The following TRHDE variants were observed in gnomAD, a reference collection of about 807,000 sequenced individuals.
TRHDE encodes thyrotropin-releasing hormone-degrading ectoenzyme.
A neutral mutation model predicts 125.7 loss-of-function variants in TRHDE; 72 were observed. The ratio of observed to expected loss-of-function variants is 0.57; its 90% CI spans 0.47 to 0.70. TRHDE has a LOEUF of 0.70. Among genes scored for constraint, TRHDE ranks in the 30% least tolerant of loss-of-function variants. The pLI, the probability that TRHDE is intolerant of heterozygous loss-of-function variation, is 0.00. For missense variants in TRHDE, 1,110 were observed against 1,327.1 expected (o/e 0.84, Z 2.54); for synonymous variants, 509 against 509.1 (o/e 1.00, Z 0.00).
chr12:72,548,353 C>A (rs189397258), intron 7 of TRHDE, among the ~76,000 whole-genome samples: 168 of 151,846 alleles, frequency 1.1e-3, no homozygotes, highest in African/African-American at 3.9e-3. Context: ...CTTACAGCAT[C>A]TTTTGGTAAT....
chr12:72,657,757 G>T (rs1357968066), intron 18 of TRHDE, among the ~76,000 whole-genome samples: 1 of 152,132 alleles, frequency 6.6e-6, no homozygotes, highest in Non-Finnish European at 1.5e-5. Context: ...ATGAGAAATG[G>T]GGAGAGGGTT....
intron 12 of TRHDE, among the ~76,000 whole-genome samples, chr12:72,597,713 G>GTATATATATA (rs762515309): frequency 2.4e-3 from 44 of 18,434 alleles, no homozygotes; most frequent in Non-Finnish European, 3.5e-3. Flanking sequence ...GTGTGTGTAT[G>GTATATATATA]TATATATATA....
intron 6 of TRHDE, among the ~76,000 whole-genome samples, chr12:72,536,474 A>T (rs1456744271): frequency 1.3e-5 from 2 of 152,078 alleles, no homozygotes; most frequent in Non-Finnish European, 2.9e-5. Context: ...AAACACATTC[A>T]TCCACACCAG....
chr12:72,510,293 A>G (rs1353894452), intron 6 of TRHDE, among the ~76,000 whole-genome samples: 1 of 152,232 alleles, frequency 6.6e-6, no homozygotes, highest in Non-Finnish European at 1.5e-5. Flanking sequence ...ATTCTACAGT[A>G]TCTGGTATAT....
At chr12:72,374,651 G>A (rs541810925) in intron 2 of TRHDE, among the ~76,000 whole-genome samples, 8 of 152,210 alleles carry the variant, frequency 5.3e-5, no homozygotes, top group African/African-American at 1.2e-4. Flanking sequence ...TAAGAGAAGC[G>A]AATAAAATGC....
intron 3 of TRHDE, among the ~76,000 whole-genome samples, chr12:72,378,692 A>G (rs969327086): frequency 3.9e-5 from 6 of 152,190 alleles, no homozygotes; most frequent in Non-Finnish European, 7.4e-5. Flanking sequence ...TATCTAGTAC[A>G]CTATTATAGT....
chr12:72,277,357 A>G (rs1189784546), intron 1 of TRHDE, among the ~76,000 whole-genome samples: 1 of 152,182 alleles, frequency 6.6e-6, no homozygotes, highest in Non-Finnish European at 1.5e-5. Context: ...ATTAATACTC[A>G]TGGTATTTAA....
chr12:72,485,610 C>T (rs886586983), intron 5 of TRHDE, among the ~76,000 whole-genome samples: 4 of 152,172 alleles, frequency 2.6e-5, no homozygotes, highest in Admixed American at 6.5e-5. Context: ...AGGCAGCATC[C>T]TGTCCCTGGG....
At chr12:72,341,738 G>A (rs1343545312) in intron 2 of TRHDE, among the ~76,000 whole-genome samples, 1 of 152,006 alleles carries the variant, frequency 6.6e-6, no homozygotes, top group Non-Finnish European at 1.5e-5. Flanking sequence ...AGAGTCAAAG[G>A]GCAGTATTTG....
At chr12:72,330,198 C>T (rs150975979) in intron 2 of TRHDE, among the ~76,000 whole-genome samples, 338 of 152,196 alleles carry the variant, frequency 2.2e-3, no homozygotes, top group African/African-American at 7.9e-3. Context: ...AGCTGCTTAA[C>T]GGCCTGGCCT....
rs559374344 is a variant in TRHDE, at chr12:72,242,246, T to C, written n.280-135749T>C. On this transcript the variant is annotated intron_variant and non_coding_transcript_variant, in intron 2 of 4. Coordinates refer to the TRHDE transcript ENST00000548156. ...CTTTCTTTGAATTTGGTTATCAAAG[T>C]TGCTTTTTTGAGCTCCCTCTTCTCC... Among the ~76,000 whole-genome samples, 5 of 152,326 alleles carry C rather than the reference T, an allele frequency of 3.3e-5. No homozygotes were observed. The South Asian group carries it at 1.0e-3, about 32-fold the overall frequency.
At chr12:72,520,507 C>A (rs547345694) in intron 6 of TRHDE, among the ~76,000 whole-genome samples, 2 of 149,688 alleles carry the variant, frequency 1.3e-5, no homozygotes, top group Admixed American at 7.6e-5. Flanking sequence ...TGCTTGCGCA[C>A]GGTGCGCGCA....
chr12:72,502,661 T>A (rs1051215325), intron 6 of TRHDE, among the ~76,000 whole-genome samples: 3 of 152,074 alleles, frequency 2.0e-5, no homozygotes, highest in African/African-American at 4.8e-5. Flanking sequence ...TAAATGCCAG[T>A]TAAGTGAGGT....
chr12:72,533,512 G>C (rs1431615873), intron 6 of TRHDE, among the ~76,000 whole-genome samples: 1 of 151,906 alleles, frequency 6.6e-6, no homozygotes, highest in Non-Finnish European at 1.5e-5. Context: ...ATATTTATTA[G>C]TATATGTTTC....
intron 2 of TRHDE, among the ~76,000 whole-genome samples, chr12:72,373,714 A>C (rs1409825251): frequency 1.3e-5 from 2 of 152,206 alleles, no homozygotes; most frequent in Non-Finnish European, 2.9e-5. Flanking sequence ...GGAACTAGCC[A>C]TGGGGCTATC....
At chr12:72,221,422 T>G (rs1172858583) in intron 2 of TRHDE, among the ~76,000 whole-genome samples, 1 of 152,088 alleles carries the variant, frequency 6.6e-6, no homozygotes, top group Non-Finnish European at 1.5e-5. Context: ...GTAATCTTTT[T>G]TGTTTATTTA....
chr12:72,301,573 G>T (rs565251584), intron 2 of TRHDE, among the ~76,000 whole-genome samples: 1 of 152,330 alleles, frequency 6.6e-6, no homozygotes, highest in East Asian at 1.9e-4. Context: ...GTATTGGGCA[G>T]ATTTGGATTG....
intron 2 of TRHDE, among the ~76,000 whole-genome samples, chr12:72,326,682 A>T (rs1342150191): frequency 1.3e-5 from 2 of 152,218 alleles, no homozygotes; most frequent in Non-Finnish European, 2.9e-5. Context: ...TTAGTTTGTC[A>T]AGTAATCACA....
chr12:72,525,598 GGTTT>G (rs1565778224), intron 6 of TRHDE, among the ~76,000 whole-genome samples: 2 of 103,040 alleles, frequency 1.9e-5, no homozygotes, highest in Non-Finnish European at 3.6e-5. Flanking sequence ...TTTTGTGTGT[GGTTT>G]GTGTGTGTGT....
Sources: allele counts gnomAD v4.1 joint callset (sites outside exome capture counted in the v4.1 genomes callset), GRCh38; gene constraint gnomAD v4.1.1; transcripts MANE v1.5; gene names NCBI Gene and HGNC (gene_info 2026-07-23, HGNC 2026-07-21).